ZNF514: variants seen among roughly 807,000 people sequenced by gnomAD.
The protein encoded by ZNF514 is zinc finger protein 514.
In ZNF514, 12 loss-of-function variants were observed where a neutral mutation model predicts 9.7. That is an observed-to-expected ratio of 1.24 (90% CI 0.79 to 2.01). The LOEUF is 2.01. ZNF514 is among the 30% of genes most tolerant of loss of function. The pLI is 0.00. For missense variants in ZNF514, 467 were observed against 465.5 expected (o/e 1.00, Z -0.03); for synonymous variants, 158 against 163.7 (o/e 0.97, Z 0.27).
chr2:95,131,480 C>T, the ZNF514 span, among the ~76,000 whole-genome samples: 2 of 152,184 alleles, frequency 1.3e-5, no homozygotes, highest in Non-Finnish European at 2.9e-5. Context: ...AAATGCAGCC[C>T]CTATGTTGCC....
intron 1 of ZNF514, among the ~76,000 whole-genome samples, chr2:95,157,687 A>G (rs969288010): frequency 2.0e-5 from 3 of 152,218 alleles, no homozygotes; most frequent in African/African-American, 7.2e-5. Context: ...GTGAAGTGTG[A>G]CCAGTCTGGC....
At chr2:95,126,222 T>C in the ZNF514 span, among the ~76,000 whole-genome samples, 1 of 151,534 alleles carries the variant, frequency 6.6e-6, no homozygotes, top group Non-Finnish European at 1.5e-5. Flanking sequence ...AATACAAAAA[T>C]TAGCCAGGTG....
At position 95,149,884 on chromosome 2, in the gene ZNF514, T is replaced by C. The variant is rs1197277852; in HGVS notation, c.601A>G (p.Lys201Glu). ...GNNSQRTHPE[K>E]KSCKCNECGK... ...CACTCATTACATTTACAAGATTTCT[T>C]TTCTGGGTGGGTTCTCTGAGAGTTG... is the stretch of plus-strand genomic sequence containing the variant. Residue 201 changes from lysine (K) to glutamate (E), a missense_variant, in exon 5 of 5, where the codon AAG becomes GAG. Physicochemically the swap from Lys to Glu is moderately conservative, Grantham distance 56. Coordinates refer to ENST00000295208, the MANE Select transcript of ZNF514 (RefSeq NM_032788.3). The C allele has an allele frequency of 6.2e-7, 1 of 1,614,230 alleles. No individual in the cohort carries two copies. The highest frequency in any genetic ancestry group is 1.1e-5 in the South Asian group (1 of 91,080).
In ZNF514 at chr2:95,159,609, GC is replaced by G. The variant is rs1673795595; in HGVS notation, c.-466del. 2 of 85,256 alleles carry G rather than the reference GC, an allele frequency of 2.3e-5. No homozygotes were observed. Among genetic ancestry groups the G allele is most frequent in the Non-Finnish European group, 5.2e-5 (2 of 38,790 alleles). The allele number at this position is 85,256 out of a possible 1,614,324, so 5.3% of individuals were successfully genotyped here. ...AGGCCCCGCCCGCCACCCCGCGCCA[GC>G]CCCCGCCCGCCACCCCGCGCCAGCC... On this transcript the variant is annotated 5_prime_UTR_variant, in exon 1 of 5. Transcript: ENST00000295208.
At position 95,152,892 on chromosome 2, in the gene ZNF514, A is replaced by G; in HGVS notation, c.122-123T>C. The G allele has an allele frequency of 3.9e-6, 4 of 1,024,688 alleles. No individual in the cohort carries two copies. In the South Asian group the frequency reaches 5.7e-5, roughly 15 times the overall value. The allele number at this position is 1,024,688 out of a possible 1,614,324, so 63.5% of individuals were successfully genotyped here. ...AGCCTCCAGAGAACAGGCATTGTGA[A>G]AAGTTAGGAACACAGCCAGGTAACT... On this transcript the variant is annotated intron_variant, in intron 3 of 4. Transcript: ENST00000295208.
At chr2:95,126,528 G>GTT in the ZNF514 span, among the ~76,000 whole-genome samples, 4 of 152,014 alleles carry the variant, frequency 2.6e-5, no homozygotes, top group Admixed American at 2.0e-4. Context: ...AACATTCAGT[G>GTT]TTATCCCCAT....
At chr2:95,133,217 C>G in the ZNF514 span, among the ~76,000 whole-genome samples, 3 of 152,100 alleles carry the variant, frequency 2.0e-5, no homozygotes, top group African/African-American at 7.2e-5. Flanking sequence ...GCCTGCAATC[C>G]CAGCCCTCTG....
chr2:95,152,410 G>C (rs544254622), intron 4 of ZNF514, among the ~76,000 whole-genome samples: 213 of 152,192 alleles, frequency 1.4e-3, no homozygotes, highest in African/African-American at 4.8e-3. Flanking sequence ...TTGACTGTGA[G>C]ACATCTAGTG....
the ZNF514 span, among the ~76,000 whole-genome samples, chr2:95,126,523 T>C: frequency 3.9e-5 from 6 of 152,092 alleles, no homozygotes; most frequent in African/African-American, 1.4e-4. Context: ...TCACTAACAT[T>C]CAGTGTTATC....
Position 95,157,378 on chromosome 2 carries a change from G to C in ZNF514, c.-34C>G. 1 of 1,289,696 alleles carries C rather than the reference G, an allele frequency of 7.8e-7. No individual in the cohort carries two copies. The highest frequency in any genetic ancestry group is 1.0e-6 in the Non-Finnish European group (1 of 988,802). 79.9% of individuals were successfully genotyped at this position (1,289,696 alleles called of 1,614,324 possible). On this transcript the variant is annotated 5_prime_UTR_variant, in exon 2 of 5. Coordinates refer to ENST00000295208, the MANE Select transcript of ZNF514 (RefSeq NM_032788.3). ...GAGGCCTGGCTTTCAGGAATGAATT[G>C]GTTGTTCCCTCTTCTCCTGGGAATC...
chr2:95,144,522 G>T (rs1241348957), downstream of ZNF514, among the ~76,000 whole-genome samples: 1 of 152,176 alleles, frequency 6.6e-6, no homozygotes, highest in Non-Finnish European at 1.5e-5. Context: ...TCACACATCA[G>T]TGTGCCAGCA....
the ZNF514 span, among the ~76,000 whole-genome samples, chr2:95,134,393 A>G: frequency 1.3e-5 from 2 of 152,164 alleles, no homozygotes; most frequent in East Asian, 3.8e-4. Context: ...AGAACCAGAT[A>G]CAGGCAGTTC....
Position 95,149,864 on chromosome 2 carries a change from ATTACAT to A in ZNF514, c.615_620del (p.Lys205_Cys206del), listed in dbSNP as rs565966048. The A allele has an allele frequency of 1.5e-4, 240 of 1,614,218 alleles. 2 individuals carry two copies. The South Asian group carries it at 2.4e-3, about 16-fold the overall frequency. On this transcript the variant is annotated inframe_deletion, in exon 5 of 5. Transcript: ENST00000295208. ...GGAAGTGAAAGGACTTCCCACACTC[ATTACAT>A]TTACAAGATTTCTTTTCTGGGTGGG...
chr2:95,157,832 G>T (rs551883636), intron 1 of ZNF514, among the ~76,000 whole-genome samples: 1 of 152,266 alleles, frequency 6.6e-6, no homozygotes, highest in Non-Finnish European at 1.5e-5. Context: ...AAGACCCAAG[G>T]CAAGGCCATG....
chr2:95,129,759 GGA>G, the ZNF514 span, among the ~76,000 whole-genome samples: 7 of 152,242 alleles, frequency 4.6e-5, no homozygotes, highest in East Asian at 1.4e-3. Flanking sequence ...TTGCCCAGTA[GGA>G]GAGAGAGTCC....
chr2:95,132,144 C>CAAAA, the ZNF514 span, among the ~76,000 whole-genome samples: 1 of 16,612 alleles, frequency 6.0e-5, no homozygotes, highest in African/African-American at 2.3e-4. Flanking sequence ...GACTCTGTCT[C>CAAAA]AAAAAAAAAA....
At chr2:95,128,619 AAGG>A in the ZNF514 span, among the ~76,000 whole-genome samples, 5 of 150,930 alleles carry the variant, frequency 3.3e-5, no homozygotes, top group South Asian at 2.1e-4. Flanking sequence ...AAGAAAGAAA[AAGG>A]AGGAGGAGGG....
chr2:95,135,926 C>T, the ZNF514 span, among the ~76,000 whole-genome samples: 1 of 151,604 alleles, frequency 6.6e-6, no homozygotes, highest in Non-Finnish European at 1.5e-5. Context: ...AAAAATTAGC[C>T]ATGCGTGGTG....
chr2:95,136,333 T>C, the ZNF514 span, among the ~76,000 whole-genome samples: 1 of 152,000 alleles, frequency 6.6e-6, no homozygotes, highest in Admixed American at 6.6e-5. Flanking sequence ...CTTGGCTCAC[T>C]GCCTCCCAGG....
Sources: allele counts gnomAD v4.1 joint callset (sites outside exome capture counted in the v4.1 genomes callset), GRCh38; gene constraint gnomAD v4.1.1; transcripts MANE v1.5; gene names NCBI Gene and HGNC (gene_info 2026-07-23, HGNC 2026-07-21).